HPSE2: variants seen among roughly 807,000 people sequenced by gnomAD.
HPSE2 encodes the protein inactive heparanase-2.
Under a neutral mutation model 60.5 loss-of-function variants are expected in HPSE2, and 38 were observed. The observed-to-expected ratio is 0.63, with a 90% CI of 0.48 to 0.82. The LOEUF (loss-of-function observed/expected upper bound fraction) is 0.82. HPSE2 is among the 40% of genes least tolerant of loss of function. The pLI is 0.00. For synonymous variants in HPSE2, 295 were observed against 293.2 expected, an observed-to-expected ratio of 1.01 and a Z score of -0.06; for missense variants, 713 against 740.4, an observed-to-expected ratio of 0.96 and a Z score of 0.43.
At chr10:98,715,389 G>A (rs1386542492) in intron 5 of HPSE2, among the ~76,000 whole-genome samples, 2 of 151,848 alleles carry the variant, frequency 1.3e-5, no homozygotes, top group East Asian at 3.9e-4. Context: ...TCATTATAAG[G>A]ATACCAATTA....
chr10:98,852,062 TA>T (rs1323122312), intron 3 of HPSE2, among the ~76,000 whole-genome samples: 1 of 151,098 alleles, frequency 6.6e-6, no homozygotes, highest in Non-Finnish European at 1.5e-5. Context: ...TCATTTACTT[TA>T]AAAAACTAAT....
At chr10:99,129,717 T>C (rs564128627) in intron 3 of HPSE2, among the ~76,000 whole-genome samples, 105 of 150,760 alleles carry the variant, frequency 7.0e-4, no homozygotes, top group African/African-American at 2.4e-3. Flanking sequence ...AAGATCATAC[T>C]TCAAGGAACT....
intron 3 of HPSE2, among the ~76,000 whole-genome samples, chr10:98,801,097 G>A (rs1161744624): frequency 2.6e-5 from 4 of 152,060 alleles, no homozygotes; most frequent in Non-Finnish European, 5.9e-5. Flanking sequence ...TCAACAAAAT[G>A]AAGGACAAAA....
rs376619180 is a variant in HPSE2 at position 98,558,127 on chromosome 10, A to G, written c.1320+56777T>C. Among the ~76,000 whole-genome samples the G allele has an allele frequency of 6.6e-5, 10 of 152,334 alleles. No individual in the cohort carries two copies. In the East Asian group the frequency reaches 7.7e-4, roughly 12 times the overall value. On this transcript the variant is annotated intron_variant, in intron 9 of 11. Coordinates refer to ENST00000370552, the MANE Select transcript of HPSE2 (RefSeq NM_021828.5). ...TCTGAGAATGGCTAAAATGAAAAAAAAATCAAGTGTTGACAAGGCTGTGGA... is the reference window on the plus strand; with the variant it reads ...TCTGAGAATGGCTAAAATGAAAAAAGAATCAAGTGTTGACAAGGCTGTGGA...
intron 9 of HPSE2, among the ~76,000 whole-genome samples, chr10:98,511,576 GTGTGTGTGTGTGTGTGTGTGTT>G (rs1942402188): frequency 6.6e-6 from 1 of 150,828 alleles, no homozygotes; most frequent in Non-Finnish European, 1.5e-5. Context: ...GTGTGTGTGT[GTGTGTGTGTGTGTGTGTGTGTT>G]TGTGTGTGTG....
chr10:99,207,678 G>C (rs925958111), intron 2 of HPSE2, among the ~76,000 whole-genome samples: 3 of 152,080 alleles, frequency 2.0e-5, no homozygotes, highest in Non-Finnish European at 4.4e-5. Flanking sequence ...GGAGGGAGTA[G>C]AGTGAAGGTG....
chr10:98,612,925 C>G (rs1003202809), intron 9 of HPSE2, among the ~76,000 whole-genome samples: 1 of 152,180 alleles, frequency 6.6e-6, no homozygotes, highest in Non-Finnish European at 1.5e-5. Flanking sequence ...AACCTCTCCC[C>G]CTTCCTCATC....
rs114251402 is a variant in HPSE2 at position 98,474,551 on chromosome 10, C to T, written c.1613+8085G>A. Among the ~76,000 whole-genome samples, 878 of 151,964 alleles carry T rather than the reference C, an allele frequency of 5.8e-3. 9 individuals are homozygous for T. The highest frequency in any genetic ancestry group is 0.02 in the African/African-American group (838 of 41,438). On this transcript the variant is annotated intron_variant, in intron 11 of 11. Coordinates refer to ENST00000370552, the MANE Select transcript of HPSE2 (RefSeq NM_021828.5). ...TCTCTAAAGGCATGCAGTTAGATGC[C>T]AATGTTTTTCTTTGATATAGGTTTT...
intron 3 of HPSE2, among the ~76,000 whole-genome samples, chr10:98,753,373 T>C (rs923682165): frequency 6.6e-6 from 1 of 152,166 alleles, no homozygotes; most frequent in Non-Finnish European, 1.5e-5. Context: ...AAAATTACCA[T>C]ATGATTCACA....
At chr10:98,849,769 G>A (rs994782279) in intron 3 of HPSE2, among the ~76,000 whole-genome samples, 10 of 151,108 alleles carry the variant, frequency 6.6e-5, no homozygotes, top group East Asian at 1.9e-4. Context: ...TTTTTGAGAC[G>A]GAGTCTCGCT....
intron 3 of HPSE2, among the ~76,000 whole-genome samples, chr10:99,049,153 T>G (rs964334443): frequency 6.6e-6 from 1 of 152,138 alleles, no homozygotes; most frequent in African/African-American, 2.4e-5. Flanking sequence ...CTGGATGCAA[T>G]ATACCCATAC....
At chr10:98,608,510 T>C (rs944214312) in intron 9 of HPSE2, among the ~76,000 whole-genome samples, 1 of 152,162 alleles carries the variant, frequency 6.6e-6, no homozygotes, top group African/African-American at 2.4e-5. Flanking sequence ...TCCTGTCAGA[T>C]AGTGCAGAGC....
At chr10:98,724,695 G>A (rs1949023235) in intron 4 of HPSE2, among the ~76,000 whole-genome samples, 1 of 152,088 alleles carries the variant, frequency 6.6e-6, no homozygotes, top group South Asian at 2.1e-4. Context: ...TCTTCTTTTT[G>A]AATTGATCCC....
chr10:99,268,226 C>A, the HPSE2 span, among the ~76,000 whole-genome samples: 1 of 152,296 alleles, frequency 6.6e-6, no homozygotes, highest in South Asian at 2.1e-4. Context: ...AAAGATACAG[C>A]CTGTTTCAAC....
At chr10:98,963,932 A>G (rs924038547) in intron 3 of HPSE2, among the ~76,000 whole-genome samples, 5 of 152,126 alleles carry the variant, frequency 3.3e-5, no homozygotes, top group Non-Finnish European at 5.9e-5. Flanking sequence ...TACAGAACAC[A>G]GAATAGCAGA....
At chr10:98,488,495 G>A (rs1376968577) in intron 10 of HPSE2, among the ~76,000 whole-genome samples, 3 of 152,154 alleles carry the variant, frequency 2.0e-5, no homozygotes, top group Admixed American at 6.6e-5. Flanking sequence ...TAAAGAATGA[G>A]GATGAACACT....
chr10:98,637,012 T>TA (rs1273965462), intron 7 of HPSE2, among the ~76,000 whole-genome samples: 1 of 152,212 alleles, frequency 6.6e-6, no homozygotes, highest in African/African-American at 2.4e-5. Context: ...CCTGTATTTT[T>TA]AGATTATCAA....
chr10:99,169,870 T>C (rs1317159613), intron 2 of HPSE2, among the ~76,000 whole-genome samples: 2 of 152,182 alleles, frequency 1.3e-5, no homozygotes, highest in Non-Finnish European at 2.9e-5. Flanking sequence ...ATACAATCTC[T>C]TGCAACTACT....
chr10:98,627,879 G>A (rs1250036810), intron 7 of HPSE2, among the ~76,000 whole-genome samples: 1 of 152,170 alleles, frequency 6.6e-6, no homozygotes, highest in Non-Finnish European at 1.5e-5. Flanking sequence ...TAGCCCAGAT[G>A]CATGCTAAGC....
Sources: gnomAD v4.1 joint callset for allele counts (sites outside exome capture counted in the v4.1 genomes callset) on GRCh38, gnomAD v4.1.1 for gene constraint, MANE v1.5 for transcripts, NCBI Gene and HGNC (gene_info 2026-07-23, HGNC 2026-07-21) for gene names.